SHISA5: variants seen among roughly 807,000 people sequenced by gnomAD.
SHISA5 encodes protein shisa-5.
Under a neutral mutation model 27.5 loss-of-function variants are expected in SHISA5, and 21 were observed. That is an observed-to-expected ratio of 0.76 (90% confidence interval 0.54 to 1.10). The LOEUF is 1.10. Ranked by LOEUF, SHISA5 falls within the 50% of genes least tolerant of loss-of-function variation. SHISA5 has a pLI of 0.00. For missense variants in SHISA5, 314 were observed against 336.3 expected (o/e 0.93, Z 0.52); for synonymous variants, 137 against 142.2 (o/e 0.96, Z 0.26).
At position 48,469,934 on chromosome 3, in the gene SHISA5, G is replaced by A; in HGVS notation, c.315-91C>T. ...CAAGGCATGCCCCTCTTGCCAGAAG[G>A]GGTCTGGGCAATACAGTTATAGCTA... On this transcript the variant is annotated intron_variant, in intron 3 of 5. Coordinates refer to ENST00000296444, the MANE Select transcript of SHISA5 (RefSeq NM_016479.6). This position sits in a 1 kb window ranked among gnomAD's most constrained non-coding sequence, Gnocchi z 4.6. 1 of 1,503,046 alleles carries A rather than the reference G, an allele frequency of 6.7e-7. No homozygotes were observed. The highest frequency in any genetic ancestry group is 9.0e-7 in the Non-Finnish European group (1 of 1,112,030). 93.1% of individuals were successfully genotyped at this position (1,503,046 alleles called of 1,614,324 possible).
intron 2 of SHISA5, among the ~76,000 whole-genome samples, chr3:48,487,891 G>A (rs531920476): frequency 6.0e-4 from 92 of 152,254 alleles, no homozygotes; most frequent in African/African-American, 1.3e-3. Context: ...GTGAGACTCC[G>A]TCTCAAAAAA....
upstream of SHISA5, chr3:48,504,295 G>A (rs1243021459): frequency 1.1e-5 from 4 of 365,966 alleles, no homozygotes; most frequent in Non-Finnish European, 1.9e-5. This position sits in a 1 kb window ranked among gnomAD's most constrained non-coding sequence, Gnocchi z 4.0. Flanking sequence ...GAAGGAGGAG[G>A]AAGGAAGGAA....
chr3:48,499,796 G>A (rs1285160958), intron 2 of SHISA5, among the ~76,000 whole-genome samples: 3 of 143,850 alleles, frequency 2.1e-5, no homozygotes, highest in Non-Finnish European at 3.0e-5. Context: ...CCCGGGAGGC[G>A]GAGGTTGCGG....
At chr3:48,495,508 G>A (rs1434567904) in intron 2 of SHISA5, among the ~76,000 whole-genome samples, 3 of 146,110 alleles carry the variant, frequency 2.1e-5, no homozygotes, top group Non-Finnish European at 4.4e-5. Flanking sequence ...GAAGCACTCT[G>A]AGTTTTTTTT....
intron 2 of SHISA5, among the ~76,000 whole-genome samples, chr3:48,498,462 A>C (rs6809981): frequency 1.6e-4 from 24 of 151,818 alleles, no homozygotes; most frequent in South Asian, 4.1e-4. Flanking sequence ...CGAGGCAGAC[A>C]GATTGCCTGA....
intron 2 of SHISA5, among the ~76,000 whole-genome samples, chr3:48,485,123 C>T (rs978816622): frequency 2.0e-5 from 3 of 151,862 alleles, no homozygotes; most frequent in Admixed American, 6.6e-5. Flanking sequence ...TGCAGTGAGC[C>T]GTGATCATGC....
In SHISA5 at chr3:48,477,196, G is replaced by A. The variant is rs148534249; in HGVS notation, c.314+1981C>T. On this transcript the variant is annotated intron_variant, in intron 3 of 5. Coordinates refer to ENST00000296444, the MANE Select transcript of SHISA5 (RefSeq NM_016479.6). Reference sequence around the variant, plus strand: ...TGCAACCTCTGCCTCCTGGGTTCAAGTGATTCTCCTGCCTCAGCCTACAGA... The same window carrying A: ...TGCAACCTCTGCCTCCTGGGTTCAAATGATTCTCCTGCCTCAGCCTACAGA... The A allele has an allele frequency of 3.1e-3, 1,244 of 397,506 alleles. 4 individuals carry two copies. The highest frequency in any genetic ancestry group is 3.8e-3 in the Non-Finnish European group (769 of 203,490). The allele number at this position is 397,506 out of a possible 1,614,324, so 24.6% of individuals were successfully genotyped here.
intron 3 of SHISA5, among the ~76,000 whole-genome samples, chr3:48,478,942 C>G (rs1407095271): frequency 2.6e-5 from 4 of 152,124 alleles, no homozygotes. Flanking sequence ...GACCCCTGGC[C>G]CTTCAATTGT....
At chr3:48,490,574 A>G (rs2041391828) in intron 2 of SHISA5, among the ~76,000 whole-genome samples, 1 of 152,126 alleles carries the variant, frequency 6.6e-6, no homozygotes, top group Non-Finnish European at 1.5e-5. Context: ...TCTCGCCCAA[A>G]TTCCTATCTA....
chr3:48,470,490 C>T lies in SHISA5; in HGVS notation c.315-647G>A, dbSNP rs1450185667. ...CACCGTGCCAGGGGTCACACACACC[C>T]CTGGGTCCCCCACCTCTGACCTGCA... On this transcript the variant is annotated intron_variant, in intron 3 of 5. Transcript: ENST00000296444. The surrounding 1 kb of genome is among the most constrained non-coding windows in gnomAD (Gnocchi z 4.3). 6.6e-6 allele frequency among the ~76,000 whole-genome samples: 1 copy of T among 152,232 alleles called. No individual in the cohort carries two copies. Among genetic ancestry groups the T allele is most frequent in the Non-Finnish European group, 1.5e-5 (1 of 68,048 alleles).
At chr3:48,487,890 C>G (rs567603008) in intron 2 of SHISA5, among the ~76,000 whole-genome samples, 1 of 152,144 alleles carries the variant, frequency 6.6e-6, no homozygotes, top group South Asian at 2.1e-4. Flanking sequence ...AGTGAGACTC[C>G]GTCTCAAAAA....
chr3:48,487,631 A>C (rs2041290690), intron 2 of SHISA5, among the ~76,000 whole-genome samples: 1 of 152,214 alleles, frequency 6.6e-6, no homozygotes, highest in African/African-American at 2.4e-5. Flanking sequence ...GCAGTGGCTC[A>C]CATCTGTAAT....
intron 3 of SHISA5, among the ~76,000 whole-genome samples, chr3:48,471,816 T>C (rs1433172662): frequency 1.3e-5 from 2 of 151,768 alleles, no homozygotes; most frequent in Non-Finnish European, 1.5e-5. Context: ...GAGGCAGAGA[T>C]TGCAGTGAGC....
chr3:48,496,743 A>C (rs2041565045), intron 2 of SHISA5, among the ~76,000 whole-genome samples: 1 of 152,038 alleles, frequency 6.6e-6, no homozygotes, highest in South Asian at 2.1e-4. Context: ...CAAAAAAAAA[A>C]AGAAAAGAAA....
Position 48,468,925 on chromosome 3 carries a change from C to A in SHISA5, c.*182G>T, listed in dbSNP as rs1399650797. The A allele has an allele frequency of 3.2e-6, 5 of 1,547,554 alleles. No homozygotes were observed. In the Admixed American group the frequency reaches 9.7e-5, roughly 30 times the overall value. The stretch of plus-strand genomic sequence containing the variant: ...CCAGCCCACTCTGGCAAGGATTGTT[C>A]CCCACCTTGTCAGCATCAGAGGAAG... On this transcript the variant is annotated 3_prime_UTR_variant, in exon 6 of 6. Coordinates refer to ENST00000296444, the MANE Select transcript of SHISA5 (RefSeq NM_016479.6).
chr3:48,504,344 G>A, upstream of SHISA5: 1 of 343,754 alleles, frequency 2.9e-6, no homozygotes, highest in Non-Finnish European at 5.2e-6. This position sits in a 1 kb window ranked among gnomAD's most constrained non-coding sequence, Gnocchi z 4.0. Context: ...CTTCGCGCCC[G>A]GGGTCTGCGC....
intron 3 of SHISA5, among the ~76,000 whole-genome samples, chr3:48,472,341 A>G (rs1352912502): frequency 6.6e-6 from 1 of 150,802 alleles, no homozygotes; most frequent in African/African-American, 2.4e-5. Flanking sequence ...ACAAAAAAAA[A>G]AAGAATTAGC....
rs754139138 is a variant in SHISA5, at chr3:48,469,393, A to ATGGGC, written c.606_610dup (p.Met204SerfsTer57). On this transcript the variant is annotated frameshift_variant, in exon 5 of 6. Coordinates refer to ENST00000296444, the MANE Select transcript of SHISA5 (RefSeq NM_016479.6). LOFTEE classifies it high-confidence loss of function. The surrounding 1 kb of genome is among the most constrained non-coding windows in gnomAD (Gnocchi z 4.6). Reference sequence around the variant, plus strand: ...GGTCTCGTGGTAGGCCGGTGGGCCCATGGGCTGGGCTGGGTAAGGTGGTGG... The same window carrying ATGGGC: ...GGTCTCGTGGTAGGCCGGTGGGCCCATGGGCTGGGCTGGGCTGGGTAAGGTGGTGG... 1.0e-5 allele frequency: 16 copies of ATGGGC among 1,601,496 alleles called. No individual in the cohort carries two copies. Among genetic ancestry groups the ATGGGC allele is most frequent in the Non-Finnish European group, 1.4e-5 (16 of 1,171,996 alleles).
chr3:48,486,576 T>TATTATATATTATATATATAG (rs2041254613), intron 2 of SHISA5, among the ~76,000 whole-genome samples: 1 of 128,520 alleles, frequency 7.8e-6, no homozygotes, highest in Non-Finnish European at 1.6e-5. Context: ...AGATTTTATA[T>TATTATATATTATATATATAG]ATTATATATT....
Sources: allele counts gnomAD v4.1 joint callset (sites outside exome capture counted in the v4.1 genomes callset), GRCh38; gene constraint gnomAD v4.1.1; non-coding constraint Gnocchi (gnomAD v3.1); transcripts MANE v1.5; gene names NCBI Gene and HGNC (gene_info 2026-07-23, HGNC 2026-07-21).